The following DNAH7 variants were observed in gnomAD, a reference collection of about 807,000 sequenced individuals.
The protein encoded by DNAH7 is dynein axonemal heavy chain 7.
In DNAH7, 397 loss-of-function variants were observed where a neutral mutation model predicts 444.6. The observed-to-expected ratio is 0.89, with a 90% CI of 0.82 to 0.97. The LOEUF is 0.97. DNAH7 is among the 50% of genes least tolerant of loss of function. The pLI is 0.00. For missense variants in DNAH7, 4,902 were observed against 4,800.8 expected (o/e 1.02, Z -0.62); for synonymous variants, 1,636 against 1,624.4 (o/e 1.01, Z -0.17).
intron 1 of DNAH7, among the ~76,000 whole-genome samples, chr2:196,063,108 C>T (rs111712753): frequency 0.047 from 7,096 of 152,268 alleles, 193 homozygotes; most frequent in East Asian, 0.09. Flanking sequence ...TCTCGAACTC[C>T]TGACCTCAGG....
Position 195,883,626 on chromosome 2 carries a change from A to C in DNAH7, c.5763+959T>G, listed in dbSNP as rs191022619. Among the ~76,000 whole-genome samples the C allele has an allele frequency of 2.0e-3, 302 of 152,276 alleles. 1 individual carries two copies. Among genetic ancestry groups the C allele is most frequent in the African/African-American group, 6.9e-3 (287 of 41,556 alleles). On this transcript the variant is annotated intron_variant, in intron 35 of 64. Transcript: ENST00000312428. ...GGTGTTGAAAAATGAAATGGAAATA[A>C]TTGCAGAAAGCTTAATAAACTGTAA...
intron 17 of DNAH7, among the ~76,000 whole-genome samples, chr2:195,968,843 A>G (rs79320081): frequency 0.018 from 2,734 of 152,268 alleles, 76 homozygotes; most frequent in African/African-American, 0.062. Context: ...GTCTGGTCCA[A>G]ATGCTCTCTG....
chr2:195,749,978 A>G (rs1049254790), intron 63 of DNAH7, among the ~76,000 whole-genome samples: 2 of 151,966 alleles, frequency 1.3e-5, no homozygotes, highest in Middle Eastern at 3.2e-3. Context: ...AACTTAAAGT[A>G]TAATAATAAT....
At chr2:195,820,511 C>G (rs1468206504) in intron 49 of DNAH7, among the ~76,000 whole-genome samples, 4 of 150,748 alleles carry the variant, frequency 2.7e-5, no homozygotes, top group Non-Finnish European at 5.9e-5. Flanking sequence ...GAAAATGCTA[C>G]AAAAATTTCA....
At chr2:195,937,855 G>C (rs1421486413) in intron 19 of DNAH7, among the ~76,000 whole-genome samples, 1 of 152,002 alleles carries the variant, frequency 6.6e-6, no homozygotes, top group Non-Finnish European at 1.5e-5. Flanking sequence ...ACACAACAGA[G>C]ATTTCAATCG....
At chr2:195,942,564 G>A (rs16842616) in intron 19 of DNAH7, among the ~76,000 whole-genome samples, 42,266 of 151,874 alleles carry the variant, frequency 0.28, 8,790 homozygotes, top group African/African-American at 0.59. Context: ...GTAAAAGCGT[G>A]GAATGAGCAG....
intron 58 of DNAH7, among the ~76,000 whole-genome samples, chr2:195,786,006 T>C (rs748915923): frequency 1.6e-4 from 24 of 152,208 alleles, no homozygotes; most frequent in African/African-American, 4.6e-4. Context: ...TTGTCAAATT[T>C]AGATGCTGCA....
intron 33 of DNAH7, 71 bp from the exon 34 acceptor site, chr2:195,886,343 T>C: frequency 1.5e-6 from 2 of 1,375,698 alleles, no homozygotes; most frequent in South Asian, 1.3e-5. Flanking sequence ...CCAGCTAATA[T>C]TTATTAAGCT....
chr2:195,888,210 T>G, intron 33 of DNAH7, 48 bp downstream of exon 33: 1 of 1,477,066 alleles, frequency 6.8e-7, no homozygotes, highest in Non-Finnish European at 9.2e-7. Context: ...TAAGTCTAAT[T>G]TGAGTTTTCC....
intron 24 of DNAH7, among the ~76,000 whole-genome samples, chr2:195,913,737 C>T (rs973754332): frequency 5.3e-5 from 8 of 152,132 alleles, no homozygotes; most frequent in South Asian, 2.1e-4. Context: ...TGTTTTGAGA[C>T]GGAGTCTCGC....
rs1285179399 is a variant in DNAH7 at position 195,858,669 on chromosome 2, A to G, written c.7872T>C (p.Asp2624=). ...PQLKVASKEV[D]EMMIMIEKES... ...CTTTCTCAATCATTATCATCATTTC[A>G]TCAACCTCTTTGCTAGCAACTTTTA... Residue 2624 remains aspartate, a synonymous_variant, in exon 43 of 65, where the codon GAT becomes GAC. Transcript: ENST00000312428. 3 of 1,613,892 alleles carry G rather than the reference A, an allele frequency of 1.9e-6. No homozygotes were observed. The Admixed American group carries it at 5.0e-5, about 27-fold the overall frequency.
At chr2:195,884,553 G>A in intron 35 of DNAH7, 32 bp downstream of exon 35, 2 of 1,548,652 alleles carry the variant, frequency 1.3e-6, no homozygotes, top group Non-Finnish European at 1.8e-6. Flanking sequence ...CTGCCAGGCT[G>A]GCAGCTGCAA....
At chr2:195,745,659 G>A (rs1443279613) in intron 63 of DNAH7, among the ~76,000 whole-genome samples, 2 of 152,162 alleles carry the variant, frequency 1.3e-5, no homozygotes, top group Admixed American at 1.3e-4. Context: ...CAGATCTCTG[G>A]GCAGAAACTC....
chr2:195,938,270 A>T (rs1689185717), intron 19 of DNAH7, among the ~76,000 whole-genome samples: 1 of 151,580 alleles, frequency 6.6e-6, no homozygotes. Flanking sequence ...TAATTAGATC[A>T]ATTTATCTTT....
intron 4 of DNAH7, among the ~76,000 whole-genome samples, chr2:196,047,891 A>C (rs1697236867): frequency 6.6e-6 from 1 of 152,084 alleles, no homozygotes; most frequent in Non-Finnish European, 1.5e-5. Flanking sequence ...CACTACATTT[A>C]ATGAGTCAAA....
chr2:195,945,724 G>A (rs749015588), intron 19 of DNAH7, among the ~76,000 whole-genome samples: 2 of 152,144 alleles, frequency 1.3e-5, no homozygotes, highest in African/African-American at 4.8e-5. Flanking sequence ...TTTTTGGCCT[G>A]AGCAACAGAA....
intron 59 of DNAH7, 126 bp from the exon 60 acceptor site, chr2:195,776,109 G>A: frequency 8.3e-7 from 1 of 1,204,858 alleles, no homozygotes; most frequent in Admixed American, 2.7e-5. Flanking sequence ...ACTGGACATT[G>A]AGTGCTTTCA....
chr2:196,018,037 T>C (rs1249613499), intron 9 of DNAH7, among the ~76,000 whole-genome samples: 1 of 152,184 alleles, frequency 6.6e-6, no homozygotes, highest in Non-Finnish European at 1.5e-5. Context: ...GTTGTTTGAT[T>C]TGTTTCAGGT....
intron 12 of DNAH7, among the ~76,000 whole-genome samples, chr2:195,988,592 G>A (rs1286297900): frequency 6.6e-6 from 1 of 152,014 alleles, no homozygotes; most frequent in African/African-American, 2.4e-5. Context: ...GGAATACAAT[G>A]TGATGCTTTG....
Sources: allele counts gnomAD v4.1 joint callset (sites outside exome capture counted in the v4.1 genomes callset), GRCh38; gene constraint gnomAD v4.1.1; transcripts MANE v1.5; gene names NCBI Gene and HGNC (gene_info 2026-07-23, HGNC 2026-07-21).